SLC4A4: variants seen among roughly 807,000 people sequenced by gnomAD.
SLC4A4 encodes solute carrier family 4 member 4, also known as electrogenic sodium bicarbonate cotransporter 1.
A neutral mutation model predicts 111.5 loss-of-function variants in SLC4A4; 27 were observed. The observed-to-expected ratio is 0.24, with a 90% CI of 0.18 to 0.33. The LOEUF (loss-of-function observed/expected upper bound fraction) is 0.33, where lower values mean the gene tolerates loss of function less well. Ranked by LOEUF, SLC4A4 falls within the 10% of genes least tolerant of loss-of-function variation. The pLI is 1.00. For missense variants in SLC4A4, 909 were observed against 1,315.5 expected, an observed-to-expected ratio of 0.69 and a Z score of 4.78; for synonymous variants, 443 against 463.4, an observed-to-expected ratio of 0.96 and a Z score of 0.57.
intron 3 of SLC4A4, among the ~76,000 whole-genome samples, chr4:71,328,188 T>C (rs1727654759): frequency 2.0e-5 from 3 of 152,124 alleles, no homozygotes; most frequent in Admixed American, 1.3e-4. Context: ...TAGTACTCCA[T>C]TGTGTGTATA....
chr4:71,105,914 A>T (rs11946321), intron 2 of SLC4A4, among the ~76,000 whole-genome samples: 60 of 145,984 alleles, frequency 4.1e-4, no homozygotes, highest in African/African-American at 1.0e-3. Context: ...AAGACAAAAT[A>T]GACAAATGGG....
At chr4:71,376,243 C>T (rs1346561257) in intron 6 of SLC4A4, among the ~76,000 whole-genome samples, 1 of 149,662 alleles carries the variant, frequency 6.7e-6, no homozygotes, top group African/African-American at 2.5e-5. Context: ...GCTCTGTCAC[C>T]CAGGCTGGAG....
intron 2 of SLC4A4, among the ~76,000 whole-genome samples, chr4:71,254,371 C>T (rs952370670): frequency 6.6e-6 from 1 of 152,078 alleles, no homozygotes; most frequent in Admixed American, 6.6e-5. Flanking sequence ...TTTTGCAGCT[C>T]CTTCCATCTA....
chr4:71,338,124 C>T (rs370923241), intron 3 of SLC4A4, among the ~76,000 whole-genome samples: 141 of 152,210 alleles, frequency 9.3e-4, no homozygotes, highest in African/African-American at 3.3e-3. Context: ...TAAGCCACCG[C>T]GCCCTGCCAT....
chr4:71,178,690 C>A (rs6822401), intron 2 of SLC4A4, among the ~76,000 whole-genome samples: 11,189 of 152,156 alleles, frequency 0.074, 1,339 homozygotes, highest in African/African-American at 0.26. Context: ...CAATAACAGG[C>A]TCTGAAATTG....
At chr4:71,255,102 A>G in intron 2 of SLC4A4, 118 bp from the exon 3 acceptor site, 1 of 1,031,376 alleles carries the variant, frequency 9.7e-7, no homozygotes, top group South Asian at 1.3e-5. Flanking sequence ...AGTTTGCCAA[A>G]TATAGAATGG....
chr4:71,500,583 G>A (rs547685478), intron 16 of SLC4A4, among the ~76,000 whole-genome samples: 1 of 152,216 alleles, frequency 6.6e-6, no homozygotes, highest in African/African-American at 2.4e-5. Flanking sequence ...GCCTCCCAAA[G>A]TGCCGGGATT....
At chr4:71,529,003 A>G (rs1287149760) in intron 16 of SLC4A4, among the ~76,000 whole-genome samples, 1 of 152,116 alleles carries the variant, frequency 6.6e-6, no homozygotes, top group African/African-American at 2.4e-5. Context: ...GAAACAAAAA[A>G]TATATTTCAA....
chr4:71,131,559 A>G (rs146967654), intron 2 of SLC4A4, among the ~76,000 whole-genome samples: 1 of 152,204 alleles, frequency 6.6e-6, no homozygotes, highest in Non-Finnish European at 1.5e-5. Context: ...TGGAATTACT[A>G]TGTGGAAGTA....
intron 6 of SLC4A4, among the ~76,000 whole-genome samples, chr4:71,378,894 G>A (rs1560455617): frequency 6.6e-6 from 1 of 152,026 alleles, no homozygotes; most frequent in African/African-American, 2.4e-5. Context: ...TCATCCCCTT[G>A]TCAGGCCAAA....
In SLC4A4 at chr4:71,510,953, A is replaced by T. The variant is rs187066475; in HGVS notation, c.2166+13261A>T. On this transcript the variant is annotated intron_variant, in intron 16 of 25. Coordinates refer to ENST00000264485, the MANE Select transcript of SLC4A4 (RefSeq NM_001098484.3). The stretch of plus-strand genomic sequence containing the variant: ...TACAATTATAACAGGCTATTTTAAG[A>T]TGATAACAACTTACCTTTCATTGCA... Among the ~76,000 whole-genome samples the T allele has an allele frequency of 1.6e-4, 24 of 152,304 alleles. 1 individual carries two copies. Among genetic ancestry groups the T allele is most frequent in the Admixed American group, 1.4e-3 (21 of 15,292 alleles).
chr4:71,171,737 A>G (rs1744945999), intron 2 of SLC4A4, among the ~76,000 whole-genome samples: 2 of 152,140 alleles, frequency 1.3e-5, no homozygotes, highest in Non-Finnish European at 2.9e-5. Flanking sequence ...TTCTCTGAAA[A>G]ATCACCTCCA....
intron 2 of SLC4A4, among the ~76,000 whole-genome samples, chr4:71,165,711 A>T (rs1267684029): frequency 6.6e-6 from 1 of 152,118 alleles, no homozygotes; most frequent in African/African-American, 2.4e-5. Context: ...AATGATAATT[A>T]AAAAATGAAT....
chr4:71,090,657 G>A (rs569947539), intron 1 of SLC4A4, among the ~76,000 whole-genome samples: 1 of 152,320 alleles, frequency 6.6e-6, no homozygotes, highest in South Asian at 2.1e-4. Context: ...TAGGCATGCA[G>A]CCAAAATACA....
chr4:71,234,095 T>C (rs1343264226), intron 1 of SLC4A4, among the ~76,000 whole-genome samples: 1 of 152,210 alleles, frequency 6.6e-6, no homozygotes, highest in Non-Finnish European at 1.5e-5. Flanking sequence ...CCTGCAAATA[T>C]TCACAGTACT....
intron 3 of SLC4A4, among the ~76,000 whole-genome samples, chr4:71,277,952 G>T (rs1179068977): frequency 6.6e-6 from 1 of 152,082 alleles, no homozygotes; most frequent in Non-Finnish European, 1.5e-5. Context: ...GTTTTCTTCA[G>T]TGAGAACATT....
intron 16 of SLC4A4, among the ~76,000 whole-genome samples, chr4:71,520,021 C>T (rs1732783153): frequency 6.6e-6 from 1 of 152,148 alleles, no homozygotes; most frequent in East Asian, 1.9e-4. Context: ...AATGTGGTTT[C>T]TGTAGGTAGG....
chr4:71,431,518 C>A (rs1723642702), intron 7 of SLC4A4, among the ~76,000 whole-genome samples: 1 of 151,998 alleles, frequency 6.6e-6, no homozygotes, highest in African/African-American at 2.4e-5. Context: ...AGAGTGTGGG[C>A]AGTAGGTTCC....
At chr4:71,200,015 T>C (rs1746177192) in intron 1 of SLC4A4, among the ~76,000 whole-genome samples, 1 of 152,224 alleles carries the variant, frequency 6.6e-6, no homozygotes, top group Non-Finnish European at 1.5e-5. Context: ...TGGCCCAGGC[T>C]GCTACTTGAG....
Sources: allele counts gnomAD v4.1 joint callset (sites outside exome capture counted in the v4.1 genomes callset), GRCh38; gene constraint gnomAD v4.1.1; transcripts MANE v1.5; gene names NCBI Gene and HGNC (gene_info 2026-07-23, HGNC 2026-07-21).